The following ANK1 variants were observed in gnomAD, a reference collection of about 807,000 sequenced individuals.
ANK1 encodes ankyrin-1.
A neutral mutation model predicts 210.4 loss-of-function variants in ANK1; 51 were observed. The observed-to-expected ratio is 0.24, with a 90% CI of 0.19 to 0.31. The LOEUF (loss-of-function observed/expected upper bound fraction) is 0.31. Ranked by LOEUF, ANK1 falls within the 10% of genes least tolerant of loss-of-function variation. The pLI, the probability that ANK1 is intolerant of heterozygous loss-of-function variation, is 1.00. For synonymous variants in ANK1, 967 were observed against 1,025.9 expected (o/e 0.94, Z 1.10); for missense variants, 2,051 against 2,504.4 (o/e 0.82, Z 3.86).
intron 1 of ANK1, among the ~76,000 whole-genome samples, chr8:41,878,712 C>CTCA (rs1356841659): frequency 1.3e-5 from 2 of 152,170 alleles, no homozygotes; most frequent in Non-Finnish European, 2.9e-5. Flanking sequence ...AGGGCAGGAC[C>CTCA]TCATGCAACT....
chr8:41,683,952 G>A (rs1816903686), intron 37 of ANK1, among the ~76,000 whole-genome samples: 1 of 152,194 alleles, frequency 6.6e-6, no homozygotes, highest in South Asian at 2.1e-4. Flanking sequence ...TGAGGGGAAG[G>A]AGATGAGATG....
intron 5 of ANK1, 40 bp from the exon 6 acceptor site, chr8:41,725,986 A>C: frequency 1.2e-6 from 2 of 1,600,808 alleles, no homozygotes; most frequent in Non-Finnish European, 1.7e-6. Context: ...GACTCGTCTG[A>C]CGCCAGCCGC....
intron 1 of ANK1, among the ~76,000 whole-genome samples, chr8:41,878,440 C>T (rs747769082): frequency 6.6e-6 from 1 of 152,194 alleles, no homozygotes; most frequent in Non-Finnish European, 1.5e-5. Context: ...GGAAATTACA[C>T]CTTCAGACAG....
chr8:41,693,068 G>A (rs1297865521), intron 30 of ANK1, 37 bp downstream of exon 30: 2 of 1,561,954 alleles, frequency 1.3e-6, no homozygotes, highest in African/African-American at 2.7e-5. Context: ...CCTGAGGACG[G>A]CCCACACAAT....
chr8:41,830,182 G>A (rs1362889), intron 1 of ANK1, among the ~76,000 whole-genome samples: 24,131 of 150,732 alleles, frequency 0.16, 2,176 homozygotes, highest in African/African-American at 0.23. Flanking sequence ...TCTGGGCAGG[G>A]GTCAGCTAGG....
chr8:41,848,191 T>TAAATAAAC (rs1810447634), intron 1 of ANK1, among the ~76,000 whole-genome samples: 1 of 140,400 alleles, frequency 7.1e-6, no homozygotes, highest in Admixed American at 6.9e-5. Flanking sequence ...ATTTCAAAAA[T>TAAATAAAC]AAATAAATAA....
At position 41,655,738 on chromosome 8, in the gene ANK1, G is replaced by T. The variant is rs373306968; in HGVS notation, c.*52C>A. 6.2e-7 allele frequency: 1 copy of T among 1,614,102 alleles called. No individual in the cohort carries two copies. The highest frequency in any genetic ancestry group is 8.5e-7 in the Non-Finnish European group (1 of 1,179,998). The stretch of plus-strand genomic sequence containing the variant: ...AGAGTGTGTGGGGTTCAGGGGTTGG[G>T]TGTCGAGGTGTGATCCTGGGAGACA... On this transcript the variant is annotated 3_prime_UTR_variant, in exon 43 of 43. Transcript: ENST00000289734.
intron 1 of ANK1, among the ~76,000 whole-genome samples, chr8:41,795,521 A>T (rs182392997): frequency 3.0e-4 from 46 of 151,988 alleles, no homozygotes; most frequent in African/African-American, 4.3e-4. Flanking sequence ...AAATAATAAT[A>T]ATTATTATTA....
intron 37 of ANK1, among the ~76,000 whole-genome samples, chr8:41,675,933 T>C: frequency 6.6e-6 from 1 of 152,254 alleles, no homozygotes; most frequent in South Asian, 2.1e-4. Flanking sequence ...TCATCCATGC[T>C]GATGCATGTA....
chr8:41,779,298 A>C (rs763964258), intron 1 of ANK1, among the ~76,000 whole-genome samples: 6 of 152,080 alleles, frequency 3.9e-5, no homozygotes, highest in Non-Finnish European at 8.8e-5. Context: ...CCCAGGCTGG[A>C]GTCCAGTGGC....
At chr8:41,661,747 A>T in intron 41 of ANK1, 129 bp downstream of exon 41, 4 of 1,608,418 alleles carry the variant, frequency 2.5e-6, no homozygotes, top group Non-Finnish European at 3.4e-6. Flanking sequence ...GGCCCGGCAG[A>T]GCAAGGCAGC....
chr8:41,857,970 G>T (rs1812533593), intron 1 of ANK1, among the ~76,000 whole-genome samples: 1 of 151,894 alleles, frequency 6.6e-6, no homozygotes, highest in Non-Finnish European at 1.5e-5. Context: ...GCTCATGCCT[G>T]TAATCCCAGC....
chr8:41,702,403 G>A (rs748962721), intron 20 of ANK1, among the ~76,000 whole-genome samples: 2 of 152,116 alleles, frequency 1.3e-5, no homozygotes, highest in Non-Finnish European at 2.9e-5. Context: ...GTGGGGCCTT[G>A]CAACCCAGCA....
At chr8:41,709,026 CAA>C (rs1277341725) in intron 16 of ANK1, 51 bp from the exon 17 acceptor site, 1 of 1,607,282 alleles carries the variant, frequency 6.2e-7, no homozygotes, top group South Asian at 1.1e-5. Flanking sequence ...GCTGAGCTGA[CAA>C]TATCAACACA....
intron 2 of ANK1, among the ~76,000 whole-genome samples, chr8:41,752,512 T>C (rs1837954074): frequency 1.3e-5 from 2 of 152,168 alleles, no homozygotes; most frequent in Admixed American, 1.3e-4. Flanking sequence ...ATATTTCTGC[T>C]TGGATTCCTC....
Position 41,688,010 on chromosome 8 carries a change from C to T in ANK1, c.4258+146G>A, listed in dbSNP as rs1222959861. 6.1e-6 allele frequency: 6 copies of T among 979,952 alleles called. No homozygotes were observed. In the East Asian group the frequency reaches 1.5e-4, roughly 25 times the overall value. The allele number at this position is 979,952 out of a possible 1,614,324, so 60.7% of individuals were successfully genotyped here. A position where few individuals can be genotyped will look rare whatever the true frequency, so the allele number is the denominator to read the frequency against. ...TGGGCAGCCAATGGTGTGGCTTGGG[C>T]AGCAGACCCAGCTCAGACAATCACA... On this transcript the variant is annotated intron_variant, in intron 35 of 42. Coordinates refer to ENST00000289734, the MANE Select transcript of ANK1 (RefSeq NM_000037.4).
At chr8:41,884,115 C>T (rs1226369111) in intron 1 of ANK1, among the ~76,000 whole-genome samples, 2 of 152,074 alleles carry the variant, frequency 1.3e-5, no homozygotes, top group East Asian at 1.9e-4. Context: ...TTTGGGAGGC[C>T]GAGGCAGACA....
At chr8:41,738,246 C>T (rs1379325746) in intron 2 of ANK1, among the ~76,000 whole-genome samples, 1 of 152,218 alleles carries the variant, frequency 6.6e-6, no homozygotes, top group Non-Finnish European at 1.5e-5. Flanking sequence ...TCCCAGCTCT[C>T]TCAGCAAGTG....
intron 1 of ANK1, among the ~76,000 whole-genome samples, chr8:41,845,939 C>T (rs1809964556): frequency 6.6e-6 from 1 of 152,178 alleles, no homozygotes; most frequent in South Asian, 2.1e-4. Flanking sequence ...CCATCTTTTT[C>T]CCCCTACCTT....
Sources: allele counts gnomAD v4.1 joint callset (sites outside exome capture counted in the v4.1 genomes callset), GRCh38; gene constraint gnomAD v4.1.1; transcripts MANE v1.5; gene names NCBI Gene and HGNC (gene_info 2026-07-23, HGNC 2026-07-21).